EYA3: variants seen among roughly 807,000 people sequenced by gnomAD.
EYA3 encodes the protein EYA transcriptional coactivator and phosphatase 3.
In EYA3, 39 loss-of-function variants were observed where a neutral mutation model predicts 80.0. The observed-to-expected ratio is 0.49, with a 90% CI of 0.38 to 0.64. The LOEUF (loss-of-function observed/expected upper bound fraction) is 0.64. Ranked by LOEUF, EYA3 falls within the 30% of genes least tolerant of loss-of-function variation. The probability of loss-of-function intolerance (pLI) is 0.00; values close to 1 mark genes in which losing one functional copy is unlikely to be tolerated. For missense variants in EYA3, 523 were observed against 676.1 expected (o/e 0.77, Z 2.51); for synonymous variants, 206 against 232.8 (o/e 0.88, Z 1.05).
intron 2 of EYA3, among the ~76,000 whole-genome samples, chr1:28,052,599 T>C (rs1644290287): frequency 6.6e-6 from 1 of 152,192 alleles, no homozygotes; most frequent in Non-Finnish European, 1.5e-5. Flanking sequence ...GCACTAAATG[T>C]AAAAGCTAAA....
At chr1:28,007,642 A>C (rs1342756441) in intron 10 of EYA3, among the ~76,000 whole-genome samples, 1 of 152,058 alleles carries the variant, frequency 6.6e-6, no homozygotes, top group Admixed American at 6.6e-5. Flanking sequence ...AATCAGCTGT[A>C]TTTCTATATA....
intron 3 of EYA3, 138 bp from the exon 4 acceptor site, chr1:28,042,788 T>C: frequency 1.5e-6 from 1 of 672,596 alleles, no homozygotes; most frequent in South Asian, 1.8e-5. Context: ...TATTGTTGAT[T>C]TTTAACAACT....
chr1:28,020,650 A>T (rs1223160433), intron 7 of EYA3, among the ~76,000 whole-genome samples: 1 of 148,306 alleles, frequency 6.7e-6, no homozygotes, highest in Non-Finnish European at 1.5e-5. Context: ...AGGCACTTTT[A>T]AAAAAATACA....
intron 3 of EYA3, among the ~76,000 whole-genome samples, chr1:28,044,557 C>T (rs2148868302): frequency 6.6e-6 from 1 of 152,254 alleles, no homozygotes; most frequent in African/African-American, 2.4e-5. Context: ...GTGGAAGACA[C>T]TGTACCAGAG....
intron 3 of EYA3, among the ~76,000 whole-genome samples, chr1:28,048,037 C>T (rs1297851402): frequency 6.6e-6 from 1 of 152,084 alleles, no homozygotes; most frequent in African/African-American, 2.4e-5. Flanking sequence ...TTATTTATTT[C>T]GCTTATGCTT....
intron 1 of EYA3, among the ~76,000 whole-genome samples, chr1:28,085,460 C>CA (rs1438634090): frequency 1.3e-5 from 2 of 151,592 alleles, no homozygotes; most frequent in African/African-American, 2.4e-5. Context: ...TTTTTTGTCT[C>CA]AAAAAAACAA....
chr1:28,062,657 G>GGGGTGTGTGTGTGT (rs111612303), intron 1 of EYA3, among the ~76,000 whole-genome samples: 23 of 141,628 alleles, frequency 1.6e-4, no homozygotes, highest in East Asian at 8.2e-4. Context: ...AATATATGTA[G>GGGGTGTGTGTGTGT]GTGTGTGTGT....
rs1395734541 is a variant in EYA3, at chr1:28,013,805, G to A, written c.586-511C>T. Among the ~76,000 whole-genome samples, 1 of 152,244 alleles carries A rather than the reference G, an allele frequency of 6.6e-6. No homozygotes were observed. The highest frequency in any genetic ancestry group is 1.5e-5 in the Non-Finnish European group (1 of 68,042). On this transcript the variant is annotated intron_variant, in intron 8 of 17. Transcript: ENST00000373871. This position sits in a 1 kb window ranked among gnomAD's most constrained non-coding sequence, Gnocchi z 4.0. ...CAGCTGGGTGCAGTGGCTCATGCCTGTAATCTCAGCACTTTGGAAGGCCAA... is the reference window on the plus strand; with the variant it reads ...CAGCTGGGTGCAGTGGCTCATGCCTATAATCTCAGCACTTTGGAAGGCCAA...
intron 10 of EYA3, among the ~76,000 whole-genome samples, chr1:28,007,337 CT>C (rs776771608): frequency 2.4e-3 from 322 of 131,538 alleles, no homozygotes; most frequent in South Asian, 2.4e-3. Context: ...TTCTTTCTTT[CT>C]TTTTTTTTTT....
At chr1:28,081,027 G>A (rs1645406887) in intron 1 of EYA3, among the ~76,000 whole-genome samples, 1 of 152,094 alleles carries the variant, frequency 6.6e-6, no homozygotes, top group Non-Finnish European at 1.5e-5. Flanking sequence ...AAAGTGCTGG[G>A]ATTACAGGCA....
intron 16 of EYA3, among the ~76,000 whole-genome samples, chr1:27,986,054 A>G (rs1639634528): frequency 6.6e-6 from 1 of 152,112 alleles, no homozygotes; most frequent in South Asian, 2.1e-4. Flanking sequence ...CATAACATGA[A>G]ATTCACTAAT....
rs991656079 is a variant in EYA3, at chr1:28,015,308, T to C, written c.585+1846A>G. ...GAGTCTGGTTGAAACAAAGGACCTC[T>C]GTAGGCCTGAATGATTGGTAAAGCA... On this transcript the variant is annotated intron_variant, in intron 8 of 17. Coordinates refer to ENST00000373871, the MANE Select transcript of EYA3 (RefSeq NM_001990.4). Among the ~76,000 whole-genome samples, 4 of 152,226 alleles carry C rather than the reference T, an allele frequency of 2.6e-5. No homozygotes were observed. In the East Asian group the frequency reaches 7.7e-4, roughly 29 times the overall value.
intron 13 of EYA3, among the ~76,000 whole-genome samples, chr1:27,995,240 TAAAA>T (rs556685200): frequency 7.3e-6 from 1 of 137,828 alleles, no homozygotes; most frequent in Non-Finnish European, 1.6e-5. Context: ...CCCCCATCTC[TAAAA>T]AAAAAAAAAA....
At chr1:27,993,687 T>C (rs1445930742) in intron 13 of EYA3, 127 bp from the exon 14 acceptor site, 23 of 662,092 alleles carry the variant, frequency 3.5e-5, no homozygotes, top group Non-Finnish European at 5.0e-5. Context: ...TCTTCCTTAA[T>C]CTCTGTATGT....
chr1:28,002,834 C>T (rs996707352), intron 11 of EYA3, among the ~76,000 whole-genome samples: 1 of 151,384 alleles, frequency 6.6e-6, no homozygotes, highest in Non-Finnish European at 1.5e-5. Context: ...AAACACAAAC[C>T]TCCTGGCCAA....
rs1238025929 is a variant in EYA3 at position 28,013,571 on chromosome 1, T to C, written c.586-277A>G. Among the ~76,000 whole-genome samples the C allele has an allele frequency of 2.0e-5, 3 of 152,072 alleles. No homozygotes were observed. Among genetic ancestry groups the C allele is most frequent in the Non-Finnish European group, 4.4e-5 (3 of 68,026 alleles). On this transcript the variant is annotated intron_variant, in intron 8 of 17. Transcript: ENST00000373871. The surrounding 1 kb of genome is among the most constrained non-coding windows in gnomAD (Gnocchi z 4.0). ...TACTCTCATAAACATACACATGGTG[T>C]CCCTTTTTGTACTCTAACAGCCTCT...
intron 6 of EYA3, among the ~76,000 whole-genome samples, chr1:28,035,254 A>G (rs936364583): frequency 1.3e-5 from 2 of 152,198 alleles, no homozygotes; most frequent in South Asian, 2.1e-4. Flanking sequence ...TGATAGTACC[A>G]TACTACATTG....
intron 1 of EYA3, among the ~76,000 whole-genome samples, chr1:28,078,647 C>G (rs1645310346): frequency 1.3e-5 from 2 of 152,146 alleles, no homozygotes; most frequent in African/African-American, 2.4e-5. Flanking sequence ...CCAGGTTTAG[C>G]AATTTTTATG....
chr1:27,988,228 T>C (rs1032703588), intron 16 of EYA3, among the ~76,000 whole-genome samples: 1 of 152,188 alleles, frequency 6.6e-6, no homozygotes, highest in Non-Finnish European at 1.5e-5. Flanking sequence ...TTTTCTATTA[T>C]ACTACATACT....
Sources: allele counts gnomAD v4.1 joint callset (sites outside exome capture counted in the v4.1 genomes callset), GRCh38; gene constraint gnomAD v4.1.1; non-coding constraint Gnocchi (gnomAD v3.1); transcripts MANE v1.5; gene names NCBI Gene and HGNC (gene_info 2026-07-23, HGNC 2026-07-21).